Variants in SAMD5 observed in about 807,000 individuals in gnomAD.
SAMD5 encodes the protein sterile alpha motif domain containing 5.
Under a neutral mutation model 11.3 loss-of-function variants are expected in SAMD5, and 13 were observed. The observed-to-expected ratio is 1.15, with a 90% confidence interval of 0.75 to 1.83. The LOEUF is 1.83. Ranked by LOEUF, SAMD5 falls within the 40% of genes most tolerant of loss-of-function variation. The pLI, the probability that SAMD5 is intolerant of heterozygous loss-of-function variation, is 0.00. For missense variants in SAMD5, 255 were observed against 239.1 expected (o/e 1.07, Z -0.44); for synonymous variants, 129 against 111.3 (o/e 1.16, Z -1.00).
At chr6:147,918,107 T>C in the SAMD5 span, among the ~76,000 whole-genome samples, 2 of 152,238 alleles carry the variant, frequency 1.3e-5, no homozygotes, top group Non-Finnish European at 2.9e-5. Flanking sequence ...AAGTCATTGA[T>C]AGCTTGATGG....
intron 1 of SAMD5, among the ~76,000 whole-genome samples, chr6:147,708,918 A>T (rs1247199947): frequency 6.6e-6 from 1 of 152,194 alleles, no homozygotes; most frequent in Non-Finnish European, 1.5e-5. Flanking sequence ...TTGGTTTCGC[A>T]CTTCATTGCT....
intron 1 of SAMD5, among the ~76,000 whole-genome samples, chr6:147,662,020 C>T (rs73010149): frequency 0.042 from 6,377 of 152,278 alleles, 153 homozygotes; most frequent in South Asian, 0.054. Context: ...TTCCTTGACT[C>T]ATTTCGTCCT....
chr6:147,712,415 G>A, intron 1 of SAMD5, among the ~76,000 whole-genome samples: 1 of 152,170 alleles, frequency 6.6e-6, no homozygotes, highest in East Asian at 1.9e-4. Flanking sequence ...TTACAGATGA[G>A]AAATTAATCC....
At chr6:147,807,255 A>G in the SAMD5 span, among the ~76,000 whole-genome samples, 1 of 151,824 alleles carries the variant, frequency 6.6e-6, no homozygotes, top group Non-Finnish European at 1.5e-5. Flanking sequence ...ACTTGCCACC[A>G]CGCCTGGCTA....
the SAMD5 span, among the ~76,000 whole-genome samples, chr6:147,857,399 C>T: frequency 1.3e-5 from 2 of 151,520 alleles, no homozygotes; most frequent in Non-Finnish European, 2.9e-5. Context: ...CCTAGCTATT[C>T]CAGTGGCCGT....
chr6:147,536,802 TATA>T lies in SAMD5; in HGVS notation c.459+27420_459+27422del, dbSNP rs1256598389. Reference sequence around the variant, plus strand: ...AATTTTTCTATAATTTTGGAATATATATAATAACATATTTATACAAATACAGTC... The same window carrying T: ...AATTTTTCTATAATTTTGGAATATATATAACATATTTATACAAATACAGTC... On this transcript the variant is annotated intron_variant, in intron 1 of 1. Transcript: ENST00000367474. 1.1e-4 allele frequency among the ~76,000 whole-genome samples: 17 copies of T among 152,208 alleles called. 1 individual carries two copies. Among genetic ancestry groups the T allele is most frequent in the African/African-American group, 3.8e-4 (16 of 41,566 alleles).
chr6:147,515,690 G>A (rs1008634626), intron 1 of SAMD5, among the ~76,000 whole-genome samples: 4 of 152,010 alleles, frequency 2.6e-5, no homozygotes, highest in African/African-American at 9.7e-5. Context: ...ACAATTGCAA[G>A]GAACTAGACA....
chr6:147,538,698 G>T (rs1788552477), intron 1 of SAMD5, among the ~76,000 whole-genome samples: 2 of 152,228 alleles, frequency 1.3e-5, no homozygotes, highest in Middle Eastern at 3.4e-3. Flanking sequence ...ATTTTCAAAA[G>T]TTAAAGAAAC....
At chr6:147,761,949 T>C in the SAMD5 span, among the ~76,000 whole-genome samples, 2 of 151,974 alleles carry the variant, frequency 1.3e-5, no homozygotes, top group South Asian at 2.1e-4. Flanking sequence ...CTGACCTCAG[T>C]TGATCCACCA....
At chr6:147,905,536 A>G in the SAMD5 span, among the ~76,000 whole-genome samples, 1 of 152,314 alleles carries the variant, frequency 6.6e-6, no homozygotes, top group East Asian at 1.9e-4. Flanking sequence ...GGATAGGCAA[A>G]AACAAAAAAA....
At chr6:147,771,020 A>G in the SAMD5 span, among the ~76,000 whole-genome samples, 4 of 152,218 alleles carry the variant, frequency 2.6e-5, no homozygotes, top group African/African-American at 4.8e-5. Flanking sequence ...AAATTCTACA[A>G]CTATTTATAA....
At chr6:147,618,340 G>A (rs1175738137) in intron 1 of SAMD5, among the ~76,000 whole-genome samples, 1 of 152,184 alleles carries the variant, frequency 6.6e-6, no homozygotes, top group Non-Finnish European at 1.5e-5. Flanking sequence ...GCAGCTCAGT[G>A]TTGGGGGGAG....
chr6:147,900,400 T>C, the SAMD5 span, among the ~76,000 whole-genome samples: 1 of 152,230 alleles, frequency 6.6e-6, no homozygotes. Context: ...GTTCTCCTAT[T>C]TTGTCTTTCA....
chr6:147,808,117 T>C, the SAMD5 span, among the ~76,000 whole-genome samples: 1 of 152,174 alleles, frequency 6.6e-6, no homozygotes, highest in Non-Finnish European at 1.5e-5. Context: ...CCTGTTGGGA[T>C]CTATGGTCAG....
chr6:147,671,075 T>C (rs1172878549), intron 1 of SAMD5, among the ~76,000 whole-genome samples: 2 of 152,200 alleles, frequency 1.3e-5, no homozygotes, highest in Non-Finnish European at 2.9e-5. Flanking sequence ...TTCAATGTTG[T>C]GTCTCAGTGA....
intron 1 of SAMD5, among the ~76,000 whole-genome samples, chr6:147,592,634 G>C (rs1789472700): frequency 6.6e-6 from 1 of 151,922 alleles, no homozygotes; most frequent in South Asian, 2.1e-4. Context: ...CCAGCAACTA[G>C]ATGATGGTGA....
At chr6:147,542,704 C>A (rs2128442175) in intron 1 of SAMD5, among the ~76,000 whole-genome samples, 1 of 152,260 alleles carries the variant, frequency 6.6e-6, no homozygotes, top group East Asian at 1.9e-4. Context: ...ATATCTCAAG[C>A]ACTGATCTTA....
chr6:147,719,451 C>G (rs774433998), intron 1 of SAMD5, among the ~76,000 whole-genome samples: 9 of 152,274 alleles, frequency 5.9e-5, no homozygotes, highest in African/African-American at 1.7e-4. Context: ...AGCAGACATT[C>G]TAGCCTCATC....
At chr6:147,871,572 T>G in the SAMD5 span, among the ~76,000 whole-genome samples, 3 of 152,216 alleles carry the variant, frequency 2.0e-5, no homozygotes, top group Non-Finnish European at 4.4e-5. Context: ...TTAGGAAATT[T>G]TATTTGTCCT....
Sources: allele counts gnomAD v4.1 joint callset (sites outside exome capture counted in the v4.1 genomes callset), GRCh38; gene constraint gnomAD v4.1.1; transcripts MANE v1.5; gene names NCBI Gene and HGNC (gene_info 2026-07-23, HGNC 2026-07-21).